TCF7L2: variants seen among roughly 807,000 people sequenced by gnomAD.
TCF7L2 encodes the protein transcription factor 7-like 2.
In TCF7L2, 23 loss-of-function variants were observed where a neutral mutation model predicts 77.9. That is an observed-to-expected ratio of 0.30 (90% CI 0.21 to 0.42). The LOEUF is 0.42. Ranked by LOEUF, TCF7L2 falls within the 10% of genes least tolerant of loss-of-function variation. TCF7L2 has a pLI of 1.00. For missense variants in TCF7L2, 654 were observed against 793.1 expected, an observed-to-expected ratio of 0.82 and a Z score of 2.11; for synonymous variants, 413 against 340.2, an observed-to-expected ratio of 1.21 and a Z score of -2.36.
chr10:113,064,129 G>GT (rs1281445892), intron 5 of TCF7L2, among the ~76,000 whole-genome samples: 2 of 152,210 alleles, frequency 1.3e-5, no homozygotes, highest in African/African-American at 4.8e-5. Context: ...AAGAAGGACT[G>GT]TTTCTTTTGG....
At chr10:113,042,482 G>C (rs537266227) in intron 5 of TCF7L2, among the ~76,000 whole-genome samples, 70 of 152,176 alleles carry the variant, frequency 4.6e-4, no homozygotes, top group Non-Finnish European at 9.0e-4. Flanking sequence ...CATGAATTTG[G>C]ACAAAAGGAC....
Position 113,159,508 on chromosome 10 carries a change from CTTTA to C in TCF7L2, c.1319-1107_1319-1104del, listed in dbSNP as rs2072683129. Among the ~76,000 whole-genome samples, 4 of 151,900 alleles carry C rather than the reference CTTTA, an allele frequency of 2.6e-5. No individual in the cohort carries two copies. In the South Asian group the frequency reaches 8.3e-4, roughly 32 times the overall value. On this transcript the variant is annotated intron_variant, in intron 12 of 13. Transcript: ENST00000627217. ...GTTACAAACTTAATTCCCTCCTTCG[CTTTA>C]TTTTCTTCTTTAAGAAAAAAAATTG...
At chr10:113,065,328 C>T (rs543079532) in intron 5 of TCF7L2, among the ~76,000 whole-genome samples, 177 of 152,318 alleles carry the variant, frequency 1.2e-3, no homozygotes, top group Non-Finnish European at 1.9e-3. Flanking sequence ...GAGTCAAGGG[C>T]AGAGACCAGA....
intron 1 of TCF7L2, 81 bp from the exon 2 acceptor site, chr10:112,951,126 C>T (rs1172324922): frequency 7.6e-7 from 1 of 1,311,026 alleles, no homozygotes; most frequent in African/African-American, 1.5e-5. Context: ...CCCTCGACCT[C>T]GCCGATTCTT....
At chr10:112,967,914 C>G (rs1014027155) in intron 4 of TCF7L2, among the ~76,000 whole-genome samples, 1 of 152,136 alleles carries the variant, frequency 6.6e-6, no homozygotes, top group African/African-American at 2.4e-5. Flanking sequence ...GGATTACAGG[C>G]GTGAGCCACC....
chr10:113,037,299 T>C (rs1447995847), intron 4 of TCF7L2, among the ~76,000 whole-genome samples: 1 of 152,176 alleles, frequency 6.6e-6, no homozygotes, highest in African/African-American at 2.4e-5. Context: ...AGCGGTTCTG[T>C]GGCATCAAGT....
Position 113,129,515 on chromosome 10 carries a change from C to G in TCF7L2, c.553-11669C>G. On this transcript the variant is annotated intron_variant, in intron 5 of 13. Coordinates refer to ENST00000627217, the MANE Select transcript of TCF7L2 (RefSeq NM_001146274.2). The stretch of plus-strand genomic sequence containing the variant: ...TAAAATTTTTTTTAAAAAATTAAAT[C>G]TGCAACCAGCTGAACTCTAGATTAT... The G allele has an allele frequency of 3.0e-6, 3 of 1,004,856 alleles. No individual in the cohort carries two copies. In the South Asian group the frequency reaches 1.2e-4, roughly 41 times the overall value. 62.2% of individuals were successfully genotyped at this position (1,004,856 alleles called of 1,614,324 possible).
intron 5 of TCF7L2, among the ~76,000 whole-genome samples, chr10:113,075,337 T>C (rs1475210610): frequency 2.6e-5 from 4 of 152,058 alleles, no homozygotes; most frequent in Admixed American, 2.6e-4. Flanking sequence ...TGGGCACCTG[T>C]AATCCGAGCT....
chr10:112,966,167 C>T (rs7068313), intron 4 of TCF7L2, among the ~76,000 whole-genome samples: 41,601 of 127,920 alleles, frequency 0.33, 9,255 homozygotes, highest in East Asian at 0.67. Flanking sequence ...AAGAGTGAGA[C>T]TCTGTCTAAA....
intron 5 of TCF7L2, chr10:113,126,610 T>C: frequency 2.0e-6 from 2 of 985,196 alleles, no homozygotes; most frequent in Non-Finnish European, 2.4e-6. Context: ...TGGGTTGTTG[T>C]GGAATCGGGG....
At chr10:113,071,698 G>A (rs1316467299) in intron 5 of TCF7L2, among the ~76,000 whole-genome samples, 1 of 152,194 alleles carries the variant, frequency 6.6e-6, no homozygotes, top group East Asian at 1.9e-4. Context: ...ACATGGCAGG[G>A]CGAGTTGTGT....
At position 113,060,073 on chromosome 10, in the gene TCF7L2, T is replaced by G. The variant is rs543118960; in HGVS notation, c.552+19947T>G. 3.3e-5 allele frequency among the ~76,000 whole-genome samples: 5 copies of G among 152,340 alleles called. No individual in the cohort carries two copies. The East Asian group carries it at 9.6e-4, about 29-fold the overall frequency. On this transcript the variant is annotated intron_variant, in intron 5 of 13. Coordinates refer to ENST00000627217, the MANE Select transcript of TCF7L2 (RefSeq NM_001146274.2). The stretch of plus-strand genomic sequence containing the variant: ...TGTGATTTCTGATAACATTTACATC[T>G]TAGCTGTTCAGCGGATACCCTGTTA...
chr10:113,073,415 C>T (rs755532047), intron 5 of TCF7L2, among the ~76,000 whole-genome samples: 1 of 147,664 alleles, frequency 6.8e-6, no homozygotes, highest in Non-Finnish European at 1.5e-5. Flanking sequence ...TCCGTAATTC[C>T]GGCACTTTGG....
At chr10:113,003,681 A>G (rs2044932486) in intron 4 of TCF7L2, among the ~76,000 whole-genome samples, 1 of 152,198 alleles carries the variant, frequency 6.6e-6, no homozygotes, top group Non-Finnish European at 1.5e-5. Flanking sequence ...CCCTCTGAGG[A>G]CCGTGGATGG....
intron 4 of TCF7L2, among the ~76,000 whole-genome samples, chr10:113,039,596 A>G (rs1213905689): frequency 6.6e-6 from 1 of 152,212 alleles, no homozygotes; most frequent in Admixed American, 6.5e-5. Flanking sequence ...GAGGTTGAAA[A>G]GGAGCAGATT....
At chr10:113,075,684 T>G (rs1354485592) in intron 5 of TCF7L2, among the ~76,000 whole-genome samples, 1 of 152,168 alleles carries the variant, frequency 6.6e-6, no homozygotes, top group Non-Finnish European at 1.5e-5. Flanking sequence ...GTGCAGAGAA[T>G]AGCTCCCTGT....
chr10:113,091,275 CA>C (rs2060375517), intron 5 of TCF7L2, among the ~76,000 whole-genome samples: 1 of 152,172 alleles, frequency 6.6e-6, no homozygotes, highest in African/African-American at 2.4e-5. Context: ...AAGCGTTTCG[CA>C]AAATTGGTAT....
chr10:112,966,754 G>A (rs965473334), intron 4 of TCF7L2, among the ~76,000 whole-genome samples: 3 of 152,164 alleles, frequency 2.0e-5, no homozygotes, highest in Non-Finnish European at 1.5e-5. Flanking sequence ...CAAACCACCT[G>A]GCACGGTGCA....
chr10:112,951,726 C>T (rs1381989207), intron 3 of TCF7L2, 119 bp downstream of exon 3: 1 of 365,824 alleles, frequency 2.7e-6, no homozygotes, highest in Admixed American at 6.4e-5. Flanking sequence ...CTCCTCCCCT[C>T]CCTCCCTCCC....
Sources: allele counts gnomAD v4.1 joint callset (sites outside exome capture counted in the v4.1 genomes callset), GRCh38; gene constraint gnomAD v4.1.1; transcripts MANE v1.5; gene names NCBI Gene and HGNC (gene_info 2026-07-23, HGNC 2026-07-21).